The following FOXN3 variants were observed in gnomAD, a reference collection of about 807,000 sequenced individuals.
FOXN3 encodes the protein forkhead box N3, also known as forkhead box protein N3.
In FOXN3, 7 loss-of-function variants were observed where a neutral mutation model predicts 38.4. The observed-to-expected ratio is 0.18, with a 90% CI of 0.10 to 0.34. The LOEUF is 0.34. Among genes scored for constraint, FOXN3 ranks in the 10% least tolerant of loss-of-function variants. The pLI is 1.00. For missense variants in FOXN3, 456 were observed against 613.4 expected (o/e 0.74, Z 2.71); for synonymous variants, 230 against 242.2 (o/e 0.95, Z 0.47).
At chr14:89,513,918 A>G (rs1409965941) in intron 1 of FOXN3, among the ~76,000 whole-genome samples, 4 of 151,690 alleles carry the variant, frequency 2.6e-5, no homozygotes, top group Non-Finnish European at 2.9e-5. Flanking sequence ...ACACACACAC[A>G]CACACACACA....
At chr14:89,476,797 A>C (rs1893220444) in intron 1 of FOXN3, among the ~76,000 whole-genome samples, 1 of 152,214 alleles carries the variant, frequency 6.6e-6, no homozygotes, top group Non-Finnish European at 1.5e-5. Flanking sequence ...TTAAACCAGG[A>C]AGAAAGTCTT....
In FOXN3 at chr14:89,160,981, A is replaced by C. The variant is rs1317732482; in HGVS notation, c.*1433T>G. 3 of 152,228 alleles carry C rather than the reference A, an allele frequency of 2.0e-5. No homozygotes were observed. The highest frequency in any genetic ancestry group is 4.4e-5 in the Non-Finnish European group (3 of 68,042). 9.4% of individuals were successfully genotyped at this position (152,228 alleles called of 1,614,324 possible). ...AAGAAGAAAACCAAAAGAAACTCTA[A>C]GCCTAAGGGCTTAAAAATTACAGGC... On this transcript the variant is annotated 3_prime_UTR_variant, in exon 6 of 6. Transcript: ENST00000557258.
rs79850025 is a variant in FOXN3, at chr14:89,285,535, A to G, written c.681-4521T>C. 3.7e-4 allele frequency among the ~76,000 whole-genome samples: 56 copies of G among 149,770 alleles called. 1 individual carries two copies. In the East Asian group the frequency reaches 7.6e-3, roughly 20 times the overall value. ...CTCCGTCTCAAAACAAAAAAAAAAAAAGAGAGAGAGAAGAAGATGCTACAA... is the reference window on the plus strand; with the variant it reads ...CTCCGTCTCAAAACAAAAAAAAAAAGAGAGAGAGAGAAGAAGATGCTACAA... On this transcript the variant is annotated intron_variant, in intron 3 of 5. Transcript: ENST00000557258.
At chr14:89,322,968 G>A (rs183411154) in intron 3 of FOXN3, among the ~76,000 whole-genome samples, 1 of 152,270 alleles carries the variant, frequency 6.6e-6, no homozygotes, top group East Asian at 1.9e-4. Context: ...AAGCTAAGGA[G>A]AAAACTTAAA....
At chr14:89,305,878 T>G (rs1278889168) in intron 3 of FOXN3, among the ~76,000 whole-genome samples, 1 of 152,232 alleles carries the variant, frequency 6.6e-6, no homozygotes, top group Non-Finnish European at 1.5e-5. Context: ...CTAATTTCCC[T>G]CAATAGGATA....
At chr14:89,172,923 A>G (rs1887427136) in intron 5 of FOXN3, among the ~76,000 whole-genome samples, 2 of 152,226 alleles carry the variant, frequency 1.3e-5, no homozygotes, top group Admixed American at 6.5e-5. Flanking sequence ...ACTATAGGAG[A>G]CTATATGACC....
At chr14:89,416,266 T>A (rs1288741957) in intron 1 of FOXN3, among the ~76,000 whole-genome samples, 6 of 152,172 alleles carry the variant, frequency 3.9e-5, no homozygotes, top group East Asian at 1.9e-4. Context: ...ACTGCTCTTA[T>A]CCCCATATAC....
chr14:89,189,835 T>C (rs75402721), intron 4 of FOXN3, among the ~76,000 whole-genome samples: 2,034 of 152,294 alleles, frequency 0.013, 50 homozygotes, highest in African/African-American at 0.046. Context: ...TACCCTGCTA[T>C]CTGGGGCAGC....
intron 2 of FOXN3, among the ~76,000 whole-genome samples, chr14:89,375,537 C>G (rs1890454928): frequency 1.3e-5 from 2 of 152,032 alleles, no homozygotes; most frequent in South Asian, 4.1e-4. Context: ...AATAGCAAGA[C>G]AGTATAATTT....
intron 4 of FOXN3, among the ~76,000 whole-genome samples, chr14:89,189,600 A>C (rs1887894324): frequency 6.6e-6 from 1 of 152,158 alleles, no homozygotes; most frequent in African/African-American, 2.4e-5. Flanking sequence ...ACTGGTACTG[A>C]CCTCGAGTGG....
At chr14:89,363,947 AATATATATATATATATATATATATATAT>A (rs67802765) in intron 2 of FOXN3, among the ~76,000 whole-genome samples, 1 of 111,400 alleles carries the variant, frequency 9.0e-6, no homozygotes, top group Non-Finnish European at 1.7e-5. Flanking sequence ...CTGTCTGTAA[AATATATATATATATATATATATATATAT>A]ATATATATAT....
intron 2 of FOXN3, among the ~76,000 whole-genome samples, chr14:89,360,576 G>GAGAGA (rs1162571500): frequency 1.3e-4 from 19 of 146,500 alleles, no homozygotes; most frequent in Middle Eastern, 3.5e-3. Context: ...GAGAGAGAGA[G>GAGAGA]AGAAGAAGAA....
In FOXN3 at chr14:89,392,441, T is replaced by C. The variant is rs973006020; in HGVS notation, c.543+19493A>G. 2.0e-5 allele frequency among the ~76,000 whole-genome samples: 3 copies of C among 152,146 alleles called. No individual in the cohort carries two copies. The South Asian group carries it at 6.2e-4, about 32-fold the overall frequency. ...ACAATAGAAATGTATTTCCTCACTG[T>C]TCGGGAGGCTTGAAGCCTAAAATCC... On this transcript the variant is annotated intron_variant, in intron 2 of 5. Transcript: ENST00000557258.
chr14:89,552,784 A>G lies in FOXN3; in HGVS notation c.-15+66244T>C, dbSNP rs573408565. On this transcript the variant is annotated intron_variant, in intron 1 of 6. Transcript: ENST00000345097. ...TGAGACAGGAGAATCGCTTGAACCCAGGAGACGGAGGTCACACTGGGCGGA... is the reference window on the plus strand; with the variant it reads ...TGAGACAGGAGAATCGCTTGAACCCGGGAGACGGAGGTCACACTGGGCGGA... Among the ~76,000 whole-genome samples the G allele has an allele frequency of 3.3e-5, 5 of 152,206 alleles. No homozygotes were observed. In the South Asian group the frequency reaches 1.0e-3, roughly 32 times the overall value.
At chr14:89,172,865 A>T (rs1296552905) in intron 5 of FOXN3, among the ~76,000 whole-genome samples, 1 of 152,236 alleles carries the variant, frequency 6.6e-6, no homozygotes. Context: ...GACTCAAATA[A>T]TAAGACTTAA....
chr14:89,202,237 TA>T (rs1888253510), intron 4 of FOXN3, among the ~76,000 whole-genome samples: 1 of 152,106 alleles, frequency 6.6e-6, no homozygotes, highest in Non-Finnish European at 1.5e-5. Context: ...CAAAATAATT[TA>T]AAAAGGAACT....
intron 2 of FOXN3, among the ~76,000 whole-genome samples, chr14:89,368,191 A>G (rs764715822): frequency 3.9e-5 from 6 of 151,902 alleles, no homozygotes; most frequent in Non-Finnish European, 8.8e-5. Flanking sequence ...TTAGCCAGGC[A>G]TGGTGGCACA....
intron 1 of FOXN3, among the ~76,000 whole-genome samples, chr14:89,440,420 GCC>G (rs1452409009): frequency 6.6e-6 from 1 of 152,142 alleles, no homozygotes; most frequent in African/African-American, 2.4e-5. Context: ...GCACGTATAG[GCC>G]CAGATGGCCT....
At chr14:89,606,301 T>C (rs1936708213) in intron 1 of FOXN3, among the ~76,000 whole-genome samples, 1 of 152,196 alleles carries the variant, frequency 6.6e-6, no homozygotes, top group Admixed American at 6.5e-5. Flanking sequence ...AACAGATGAC[T>C]ACTATCAGAA....
Sources: allele counts gnomAD v4.1 joint callset (sites outside exome capture counted in the v4.1 genomes callset), GRCh38; gene constraint gnomAD v4.1.1; transcripts MANE v1.5; gene names NCBI Gene and HGNC (gene_info 2026-07-23, HGNC 2026-07-21).